MGAM2: variants seen among roughly 807,000 people sequenced by gnomAD.
MGAM2 encodes probable maltase-glucoamylase 2.
Under a neutral mutation model 96.1 loss-of-function variants are expected in MGAM2, and 98 were observed. The ratio of observed to expected loss-of-function variants is 1.02; its 90% CI spans 0.87 to 1.21. MGAM2 has a LOEUF of 1.21. Ranked by LOEUF, MGAM2 falls within the 50% of genes most tolerant of loss-of-function variation. The probability of loss-of-function intolerance (pLI) is 0.00; values close to 1 mark genes in which losing one functional copy is unlikely to be tolerated. For synonymous variants in MGAM2, 749 were observed against 414.8 expected (o/e 1.81, Z -9.79); for missense variants, 2,055 against 1,182.4 (o/e 1.74, Z -10.82).
chr7:142,217,269 T>C (rs946587960), intron 46 of MGAM2, among the ~76,000 whole-genome samples: 1 of 152,220 alleles, frequency 6.6e-6, no homozygotes, highest in Non-Finnish European at 1.5e-5. Context: ...CACACTGTCC[T>C]CAGTCTAGGG....
chr7:142,177,026 T>C lies in MGAM2; in HGVS notation c.3816+1246T>C, dbSNP rs117613129. ...GTTAAACTTTTTTTAACTTCTATTTTAGATTCAGTGTGTACATATGTAGGT... is the reference window on the plus strand; with the variant it reads ...GTTAAACTTTTTTTAACTTCTATTTCAGATTCAGTGTGTACATATGTAGGT... On this transcript the variant is annotated intron_variant, in intron 32 of 47. Coordinates refer to ENST00000477922, the MANE Select transcript of MGAM2 (RefSeq NM_001293626.2). Among the ~76,000 whole-genome samples the C allele has an allele frequency of 5.3e-3, 815 of 152,352 alleles. 2 individuals are homozygous for C. Among genetic ancestry groups the C allele is most frequent in the South Asian group, 0.032 (154 of 4,824 alleles).
intron 30 of MGAM2, 75 bp downstream of exon 30, chr7:142,172,839 G>A: frequency 1.7e-6 from 1 of 601,578 alleles, no homozygotes; most frequent in South Asian, 2.1e-5. Flanking sequence ...CACTGAGATA[G>A]GGCAGTTTTT....
chr7:142,128,559 T>A (rs1301082397), intron 3 of MGAM2, among the ~76,000 whole-genome samples: 1 of 152,158 alleles, frequency 6.6e-6, no homozygotes, highest in Non-Finnish European at 1.5e-5. Flanking sequence ...TCTCCCCTGC[T>A]CTGTGCAGCC....
At chr7:142,165,931 G>C (rs1174069621) in intron 24 of MGAM2, among the ~76,000 whole-genome samples, 167 bp from the exon 25 acceptor site, 1 of 152,186 alleles carries the variant, frequency 6.6e-6, no homozygotes, top group African/African-American at 2.4e-5. Flanking sequence ...ATGACTCCAT[G>C]AAGTGAGAAA....
intron 17 of MGAM2, among the ~76,000 whole-genome samples, chr7:142,156,886 A>G (rs1795751731): frequency 6.6e-6 from 1 of 152,244 alleles, no homozygotes; most frequent in Non-Finnish European, 1.5e-5. Context: ...TGGAAAATGA[A>G]CAAAATGAAT....
chr7:142,182,969 TAGAAA>T (rs1404915704), intron 32 of MGAM2, among the ~76,000 whole-genome samples: 3 of 152,176 alleles, frequency 2.0e-5, no homozygotes, highest in African/African-American at 7.2e-5. Context: ...TTTTGTAGTA[TAGAAA>T]GGCTCCTTCA....
At chr7:142,215,916 A>G (rs1797747691) in intron 46 of MGAM2, among the ~76,000 whole-genome samples, 1 of 152,144 alleles carries the variant, frequency 6.6e-6, no homozygotes, top group Non-Finnish European at 1.5e-5. Context: ...AAAGTATTCA[A>G]TTACATATAT....
intron 46 of MGAM2, among the ~76,000 whole-genome samples, chr7:142,212,778 A>G (rs536484802): frequency 6.6e-6 from 1 of 152,172 alleles, no homozygotes; most frequent in Non-Finnish European, 1.5e-5. Context: ...CAGATCAACA[A>G]GACAGAAAAT....
Position 142,128,858 on chromosome 7 carries a change from G to A in MGAM2, c.187-2090G>A, listed in dbSNP as rs117857740. On this transcript the variant is annotated intron_variant, in intron 3 of 47. Transcript: ENST00000477922. Reference sequence around the variant, plus strand: ...TGCGGAAGGGAAATGTGGGGTCAGAGCCCCAACAAAAAGTCCCCACTGGGG... The same window carrying A: ...TGCGGAAGGGAAATGTGGGGTCAGAACCCCAACAAAAAGTCCCCACTGGGG... Among the ~76,000 whole-genome samples, 1,223 of 152,302 alleles carry A rather than the reference G, an allele frequency of 8.0e-3. 8 individuals carry two copies. Among genetic ancestry groups the A allele is most frequent in the Non-Finnish European group, 0.014 (928 of 68,022 alleles).
chr7:142,160,097 A>G (rs1212588943), intron 20 of MGAM2, 37 bp from the exon 21 acceptor site: 2 of 689,634 alleles, frequency 2.9e-6, no homozygotes. Context: ...GAAACAGCTT[A>G]TTACCTGATC....
chr7:142,121,370 G>T (rs1414848617), intron 3 of MGAM2, among the ~76,000 whole-genome samples: 1 of 152,044 alleles, frequency 6.6e-6, no homozygotes, highest in Non-Finnish European at 1.5e-5. Flanking sequence ...TAGAGGCAGG[G>T]TTTCACCGTG....
intron 33 of MGAM2, among the ~76,000 whole-genome samples, chr7:142,183,856 T>G (rs532919854): frequency 3.3e-5 from 5 of 151,510 alleles, no homozygotes; most frequent in African/African-American, 1.2e-4. Flanking sequence ...GCATTTTAGG[T>G]GGACTTCAGG....
At chr7:142,135,623 T>G (rs1239644304) in intron 7 of MGAM2, among the ~76,000 whole-genome samples, 3 of 152,060 alleles carry the variant, frequency 2.0e-5, no homozygotes, top group Non-Finnish European at 4.4e-5. Flanking sequence ...TATTATTGCC[T>G]TATGCTTTGG....
chr7:142,112,535 T>C (rs886268647), intron 1 of MGAM2, among the ~76,000 whole-genome samples: 1 of 152,236 alleles, frequency 6.6e-6, no homozygotes, highest in Non-Finnish European at 1.5e-5. Context: ...TTTGATACCA[T>C]AGCACTCTTA....
intron 1 of MGAM2, among the ~76,000 whole-genome samples, chr7:142,113,555 T>G (rs1817248932): frequency 6.6e-6 from 1 of 152,100 alleles, no homozygotes; most frequent in African/African-American, 2.4e-5. Context: ...ATTCTATTCC[T>G]CAAGTTATTA....
rs1796743235 is a variant in MGAM2 at position 142,187,737 on chromosome 7, T to C, written c.4123-13T>C. On this transcript the variant is annotated splice_polypyrimidine_tract_variant and intron_variant, in intron 35 of 47. Transcript: ENST00000477922. ...CTGACATGACGAGATCTTTTTTTGT[T>C]AACTCATTTCAGGATATGAATGAGC... The C allele has an allele frequency of 1.4e-6, 1 of 702,238 alleles. No homozygotes were observed. The highest frequency in any genetic ancestry group is 2.7e-5 in the East Asian group (1 of 37,262). 43.5% of individuals were successfully genotyped at this position (702,238 alleles called of 1,614,324 possible). A position where few individuals can be genotyped will look rare whatever the true frequency, so the allele number is the denominator to read the frequency against.
intron 1 of MGAM2, among the ~76,000 whole-genome samples, chr7:142,115,799 C>G (rs577305307): frequency 6.6e-6 from 1 of 152,048 alleles, no homozygotes; most frequent in South Asian, 2.1e-4. Context: ...GAGGCGAGAT[C>G]GTGCCATTGC....
At position 142,127,890 on chromosome 7, in the gene MGAM2, C is replaced by G. The variant is rs181372439; in HGVS notation, c.187-3058C>G. On this transcript the variant is annotated intron_variant, in intron 3 of 47. Transcript: ENST00000477922. Reference sequence around the variant, plus strand: ...AACTGACTAATACAGTAAATTGGTACCAGGTAGTGGGGTGCTGCTGTAAAG... The same window carrying G: ...AACTGACTAATACAGTAAATTGGTAGCAGGTAGTGGGGTGCTGCTGTAAAG... Among the ~76,000 whole-genome samples the G allele has an allele frequency of 2.0e-5, 3 of 152,132 alleles. No individual in the cohort carries two copies. The East Asian group carries it at 5.8e-4, about 29-fold the overall frequency.
rs1489405789 is a variant in MGAM2, at chr7:142,196,811, A to C, written c.4627A>C (p.Thr1543Pro). 3 of 779,420 alleles carry C rather than the reference A, an allele frequency of 3.8e-6. No homozygotes were observed. The highest frequency in any genetic ancestry group is 7.2e-6 in the Non-Finnish European group (3 of 418,192). 48.3% of individuals were successfully genotyped at this position (779,420 alleles called of 1,614,324 possible). ...PFSRNHNNIG[T>P]RRQDPVAWNS... Reference sequence around the variant, plus strand: ...TTCCAGAAACCACAACAACATCGGGACAAGGGTGAGGCAGTAGTTCGTGCT... The same window carrying C: ...TTCCAGAAACCACAACAACATCGGGCCAAGGGTGAGGCAGTAGTTCGTGCT... Residue 1543 changes from threonine to proline, a missense_variant, in exon 40 of 48, where the codon ACA becomes CCA. Transcript: ENST00000477922.
Sources: allele counts gnomAD v4.1 joint callset (sites outside exome capture counted in the v4.1 genomes callset), GRCh38; gene constraint gnomAD v4.1.1; transcripts MANE v1.5; gene names NCBI Gene and HGNC (gene_info 2026-07-23, HGNC 2026-07-21).